Variants in CACNA1C observed in about 807,000 individuals in gnomAD.
CACNA1C encodes the protein calcium voltage-gated channel subunit alpha1 C, also known as voltage-dependent L-type calcium channel subunit alpha-1C.
A neutral mutation model predicts 229.0 loss-of-function variants in CACNA1C; 30 were observed. The observed-to-expected ratio is 0.13, with a 90% CI of 0.10 to 0.18. The LOEUF is 0.18. Ranked by LOEUF, CACNA1C falls within the 10% of genes least tolerant of loss-of-function variation. The pLI is 1.00. For missense variants in CACNA1C, 1,658 were observed against 2,845.0 expected, an observed-to-expected ratio of 0.58 and a Z score of 9.49; for synonymous variants, 1,114 against 1,132.5, an observed-to-expected ratio of 0.98 and a Z score of 0.33.
intron 3 of CACNA1C, among the ~76,000 whole-genome samples, chr12:2,139,842 G>T (rs966833643): frequency 6.6e-6 from 1 of 151,238 alleles, no homozygotes; most frequent in African/African-American, 2.4e-5. Context: ...GGGTGAGGCC[G>T]CTCCCAGGAC....
At chr12:2,144,327 G>C (rs2094523902) in intron 3 of CACNA1C, among the ~76,000 whole-genome samples, 2 of 151,200 alleles carry the variant, frequency 1.3e-5, no homozygotes, top group Non-Finnish European at 3.0e-5. Context: ...TGGGATTCCA[G>C]GTAAGGAAAA....
At chr12:2,335,349 A>G (rs1384906046) in intron 3 of CACNA1C, among the ~76,000 whole-genome samples, 1 of 152,020 alleles carries the variant, frequency 6.6e-6, no homozygotes, top group Non-Finnish European at 1.5e-5. Flanking sequence ...AACATCTGTG[A>G]TTTACGATGT....
At chr12:2,376,115 C>T (rs2154543459) in intron 3 of CACNA1C, among the ~76,000 whole-genome samples, 1 of 152,348 alleles carries the variant, frequency 6.6e-6, no homozygotes, top group African/African-American at 2.4e-5. Flanking sequence ...CATGGTTGCT[C>T]AGTAGAAGGA....
intron 1 of CACNA1C, among the ~76,000 whole-genome samples, chr12:2,046,224 A>G (rs2051015508): frequency 6.6e-6 from 1 of 152,180 alleles, no homozygotes; most frequent in African/African-American, 2.4e-5. Context: ...GCACTTTGTG[A>G]AGGCCTTTGA....
intron 3 of CACNA1C, among the ~76,000 whole-genome samples, chr12:2,326,871 TCAA>T (rs1217730419): frequency 6.6e-6 from 1 of 152,264 alleles, no homozygotes; most frequent in Non-Finnish European, 1.5e-5. Flanking sequence ...AGGGTAGGCA[TCAA>T]CAACTGCTTG....
chr12:2,256,410 C>T (rs1291773497), intron 3 of CACNA1C, among the ~76,000 whole-genome samples: 1 of 152,154 alleles, frequency 6.6e-6, no homozygotes, highest in Admixed American at 6.5e-5. Context: ...CCTTTTTCCC[C>T]TTATTCTGAT....
chr12:2,459,098 T>A (rs2099473047), intron 5 of CACNA1C, among the ~76,000 whole-genome samples: 1 of 146,704 alleles, frequency 6.8e-6, no homozygotes, highest in Non-Finnish European at 1.5e-5. Context: ...TTCTCCTGCC[T>A]CAGCCTCCTG....
At chr12:2,261,891 G>A (rs1371235118) in intron 3 of CACNA1C, among the ~76,000 whole-genome samples, 2 of 152,242 alleles carry the variant, frequency 1.3e-5, no homozygotes, top group Non-Finnish European at 2.9e-5. Context: ...GGGAATGACA[G>A]TGAGTGGACA....
intron 1 of CACNA1C, among the ~76,000 whole-genome samples, chr12:2,041,357 A>G (rs1251554196): frequency 6.9e-6 from 1 of 144,136 alleles, no homozygotes; most frequent in Non-Finnish European, 1.5e-5. Flanking sequence ...GCTCACTGCA[A>G]GCTCTGCCTC....
intron 3 of CACNA1C, among the ~76,000 whole-genome samples, chr12:2,168,967 C>T (rs1566106619): frequency 6.6e-6 from 1 of 152,148 alleles, no homozygotes; most frequent in Admixed American, 6.5e-5. Flanking sequence ...TCCTGCTCTG[C>T]CCTGGTGTGA....
rs2153891181 is a variant in CACNA1C, at chr12:2,690,964, A to T, written c.6182A>T (p.Gln2061Leu). The T allele has an allele frequency of 1.3e-6, 2 of 1,599,554 alleles. No individual in the cohort carries two copies. The highest frequency in any genetic ancestry group is 4.5e-5 in the East Asian group (2 of 44,136). The change falls in exon 47 of 47, where the codon CAG becomes CTG. Residue 2061 changes from glutamine to leucine, a missense_variant. Around this residue, in one of 20 missense-constraint regions of CACNA1C, gnomAD observed 590 missense variants for 700.8 expected, o/e 0.84. Coordinates refer to ENST00000399655, the MANE Select transcript of CACNA1C (RefSeq NM_000719.7). The part of the protein sequence containing the change: ...QDPKFIEVTT[Q>L]ELADACDMTI... ...CCCAAGTTCATCGAGGTCACCACCC[A>T]GGAGCTGGCCGACGCCTGCGACATG...
Position 2,585,765 on chromosome 12 carries a change from G to T in CACNA1C, c.2461-70G>T. 8.5e-7 allele frequency: 1 copy of T among 1,178,986 alleles called. No individual in the cohort carries two copies. Among genetic ancestry groups the T allele is most frequent in the South Asian group, 1.3e-5 (1 of 76,594 alleles). The allele number at this position is 1,178,986 out of a possible 1,614,324, so 73.0% of individuals were successfully genotyped here. On this transcript the variant is annotated intron_variant, in intron 17 of 46. Transcript: ENST00000399655. The surrounding 1 kb of genome is among the most constrained non-coding windows in gnomAD (Gnocchi z 4.1). ...TCACTGACTAAAATGCAACTTCAAG[G>T]CTACTGCAAGCCTCTTAACTTGGGG...
intron 3 of CACNA1C, among the ~76,000 whole-genome samples, chr12:2,437,266 G>A (rs2099143493): frequency 6.6e-6 from 1 of 152,058 alleles, no homozygotes; most frequent in Non-Finnish European, 1.5e-5. Flanking sequence ...AGAGTGGGGA[G>A]GCCTGTGCAG....
In CACNA1C at chr12:2,052,993, C is replaced by A. The variant is rs1328707793; in HGVS notation, c.-570C>A. ...GCGCTCTCGCGCGCCCGGTGTCTCC[C>A]TCTCGCTGCCTCTGCAGAAACAGCT... On this transcript the variant is annotated 5_prime_UTR_variant, in exon 1 of 47. Transcript: ENST00000399655. 2.0e-6 allele frequency: 2 copies of A among 983,618 alleles called. No homozygotes were observed. The highest frequency in any genetic ancestry group is 3.5e-5 in the African/African-American group (2 of 56,998). 60.9% of individuals were successfully genotyped at this position (983,618 alleles called of 1,614,324 possible).
At chr12:2,380,030 C>CAAAAAAAAAAAAAAAAAAAAAAA (rs1172016514) in intron 3 of CACNA1C, among the ~76,000 whole-genome samples, 14 of 80,064 alleles carry the variant, frequency 1.7e-4, no homozygotes, top group African/African-American at 5.8e-4. Flanking sequence ...GACTCCGTCT[C>CAAAAAAAAAAAAAAAAAAAAAAA]AAAAAAAAAA....
At chr12:2,398,767 C>A (rs1231176599) in intron 3 of CACNA1C, among the ~76,000 whole-genome samples, 1 of 152,158 alleles carries the variant, frequency 6.6e-6, no homozygotes, top group Non-Finnish European at 1.5e-5. Context: ...CCTGGTGAGA[C>A]AGCCCAAAGG....
intron 18 of CACNA1C, among the ~76,000 whole-genome samples, chr12:2,592,614 G>C (rs1437195557): frequency 6.6e-6 from 1 of 152,130 alleles, no homozygotes; most frequent in African/African-American, 2.4e-5. Context: ...GAACGAAGGC[G>C]CTTCTTTAAT....
In CACNA1C at chr12:2,029,245, A is replaced by G. The variant is rs920190163; in HGVS notation, c.139+58044A>G. 2.0e-5 allele frequency among the ~76,000 whole-genome samples: 3 copies of G among 152,222 alleles called. No individual in the cohort carries two copies. Among genetic ancestry groups the G allele is most frequent in the East Asian group, 1.9e-4 (1 of 5,204 alleles). On this transcript the variant is annotated intron_variant, in intron 1 of 46. Transcript: ENST00000682462. This position sits in a 1 kb window ranked among gnomAD's most constrained non-coding sequence, Gnocchi z 4.9. ...AAAGCCAGTTGTCATTCGTGGGGCC[A>G]ATATGTTGATGCTGCATTTATAAAT... is the stretch of plus-strand genomic sequence containing the variant.
chr12:2,655,119 C>T, intron 33 of CACNA1C, 28 bp from the exon 34 acceptor site: 1 of 1,399,018 alleles, frequency 7.1e-7, no homozygotes, highest in Non-Finnish European at 1.0e-6. Flanking sequence ...CCACAAATCA[C>T]TGAACACCTC....
Sources: gnomAD v4.1 joint callset for allele counts (sites outside exome capture counted in the v4.1 genomes callset) on GRCh38, gnomAD v4.1.1 for gene constraint, gnomAD v4.1.1 regional missense constraint, Gnocchi (gnomAD v3.1) non-coding constraint, MANE v1.5 for transcripts, NCBI Gene and HGNC (gene_info 2026-07-23, HGNC 2026-07-21) for gene names.